Variants in RANBP2 observed in about 807,000 individuals in gnomAD.
The protein encoded by RANBP2 is RAN binding protein 2.
In RANBP2, 57 loss-of-function variants were observed where a neutral mutation model predicts 303.6. The ratio of observed to expected loss-of-function variants is 0.19; its 90% CI spans 0.15 to 0.23. The LOEUF (loss-of-function observed/expected upper bound fraction) is 0.23, where lower values mean the gene tolerates loss of function less well. Ranked by LOEUF, RANBP2 falls within the 10% of genes least tolerant of loss-of-function variation. The probability of loss-of-function intolerance (pLI) is 1.00; values close to 1 mark genes in which losing one functional copy is unlikely to be tolerated. For missense variants in RANBP2, 3,138 were observed against 3,780.8 expected, an observed-to-expected ratio of 0.83 and a Z score of 4.46; for synonymous variants, 1,167 against 1,301.5, an observed-to-expected ratio of 0.90 and a Z score of 2.23.
the RANBP2 span, among the ~76,000 whole-genome samples, chr2:109,439,581 G>A: frequency 4.6e-5 from 7 of 152,130 alleles, no homozygotes; most frequent in East Asian, 1.4e-3. Context: ...TAATTGCATT[G>A]GCCATAGCAT....
At chr2:109,170,287 C>G in the RANBP2 span, among the ~76,000 whole-genome samples, 2 of 121,038 alleles carry the variant, frequency 1.7e-5, no homozygotes, top group East Asian at 7.3e-4. Flanking sequence ...CTCTTCTCTT[C>G]TCTTCTCTTC....
At chr2:109,149,558 TGTTAAGGCAGCC>T in the RANBP2 span, among the ~76,000 whole-genome samples, 6 of 152,032 alleles carry the variant, frequency 3.9e-5, no homozygotes, top group African/African-American at 1.5e-4. Context: ...AGAGCAAGTG[TGTTAAGGCAGCC>T]GTCCCTGGGT....
At chr2:109,208,972 G>T in the RANBP2 span, among the ~76,000 whole-genome samples, 30 of 152,062 alleles carry the variant, frequency 2.0e-4, no homozygotes, top group East Asian at 5.6e-3. Flanking sequence ...TGGGCAGGTG[G>T]GGTTCATGTT....
chr2:109,088,778 C>T, the RANBP2 span, among the ~76,000 whole-genome samples: 1 of 152,176 alleles, frequency 6.6e-6, no homozygotes, highest in Admixed American at 6.5e-5. Context: ...TCCCAAAGTG[C>T]TTGGATTACA....
At chr2:109,049,753 G>C in the RANBP2 span, among the ~76,000 whole-genome samples, 2 of 152,186 alleles carry the variant, frequency 1.3e-5, no homozygotes, top group African/African-American at 4.8e-5. Flanking sequence ...ATGAAACATG[G>C]GGATTTATGG....
rs201427498 is a variant in RANBP2 at position 108,737,335 on chromosome 2, C to CTTTTTTTTTTTTTTTTTTTTTT, written c.782+1100_782+1101insTTTTTTTTTTTTTTTTTTTTTT. Among the ~76,000 whole-genome samples, 10 of 117,074 alleles carry CTTTTTTTTTTTTTTTTTTTTTT rather than the reference C, an allele frequency of 8.5e-5. 1 individual carries two copies. Among genetic ancestry groups the CTTTTTTTTTTTTTTTTTTTTTT allele is most frequent in the African/African-American group, 2.9e-4 (7 of 24,402 alleles). The allele number at this position is 117,074 out of a possible 152,430, so 76.8% of individuals were successfully genotyped here. ...GGTTCCTTTTTTTCTTTCTTTCTTT[C>CTTTTTTTTTTTTTTTTTTTTTT]TTTTTTTTTTTTTTGTTTTTTTGAG... On this transcript the variant is annotated intron_variant, in intron 6 of 28. Coordinates refer to ENST00000283195, the MANE Select transcript of RANBP2 (RefSeq NM_006267.5).
the RANBP2 span, among the ~76,000 whole-genome samples, chr2:109,192,007 A>C: frequency 6.6e-6 from 1 of 151,596 alleles, no homozygotes; most frequent in Non-Finnish European, 1.5e-5. Flanking sequence ...CTCCACCTCA[A>C]CCCCTGCAGT....
chr2:109,252,479 T>C, the RANBP2 span, among the ~76,000 whole-genome samples: 1 of 152,182 alleles, frequency 6.6e-6, no homozygotes, highest in South Asian at 2.1e-4. Context: ...TATCATGGGT[T>C]GATCAGCCGT....
the RANBP2 span, among the ~76,000 whole-genome samples, chr2:108,961,702 C>T: frequency 6.6e-6 from 1 of 152,176 alleles, no homozygotes; most frequent in African/African-American, 2.4e-5. Flanking sequence ...GGGCTCAGCT[C>T]AGCCTTGGGT....
chr2:109,642,151 C>A, the RANBP2 span, among the ~76,000 whole-genome samples: 1 of 152,106 alleles, frequency 6.6e-6, no homozygotes, highest in Non-Finnish European at 1.5e-5. Context: ...TGGTCTCGAA[C>A]TCCTGACCGT....
the RANBP2 span, among the ~76,000 whole-genome samples, chr2:108,963,434 G>A: frequency 6.6e-6 from 1 of 152,118 alleles, no homozygotes; most frequent in Non-Finnish European, 1.5e-5. Flanking sequence ...TAAAAAAATT[G>A]AGCTTTCTAT....
chr2:108,734,473 G>C (rs1695409138), intron 4 of RANBP2, among the ~76,000 whole-genome samples: 1 of 124,458 alleles, frequency 8.0e-6, no homozygotes, highest in Non-Finnish European at 1.6e-5. Flanking sequence ...TAAGCACACA[G>C]AAACCAGTTT....
intron 1 of RANBP2, among the ~76,000 whole-genome samples, chr2:108,720,817 G>C (rs141933844): frequency 0.018 from 2,766 of 152,316 alleles, 71 homozygotes; most frequent in African/African-American, 0.063. Context: ...AGGCCGAGGA[G>C]GGCGGATTGC....
chr2:109,574,763 G>A, the RANBP2 span: 7 of 1,563,802 alleles, frequency 4.5e-6, no homozygotes, highest in East Asian at 2.3e-5. Context: ...ACTATTGGTT[G>A]GTAGCTGAAA....
chr2:109,032,503 CCTGA>C, the RANBP2 span, among the ~76,000 whole-genome samples: 1 of 152,106 alleles, frequency 6.6e-6, no homozygotes, highest in African/African-American at 2.4e-5. Context: ...CAGCGGATGC[CCTGA>C]CTTTTACACC....
chr2:108,870,773 TA>T, the RANBP2 span, among the ~76,000 whole-genome samples: 3 of 151,860 alleles, frequency 2.0e-5, no homozygotes, highest in African/African-American at 7.3e-5. Flanking sequence ...GTGCCTGGAG[TA>T]GAGAAATAAG....
the RANBP2 span, among the ~76,000 whole-genome samples, chr2:108,915,951 G>A: frequency 2.6e-5 from 4 of 152,008 alleles, no homozygotes; most frequent in African/African-American, 7.3e-5. Context: ...GGAGAAGTGC[G>A]TGCCCCTAGC....
the RANBP2 span, among the ~76,000 whole-genome samples, chr2:109,690,827 T>C: frequency 6.6e-6 from 1 of 152,294 alleles, no homozygotes; most frequent in East Asian, 1.9e-4. Flanking sequence ...CCTTCCTGAC[T>C]TTGTTTTTTC....
At chr2:108,792,320 T>C in the RANBP2 span, among the ~76,000 whole-genome samples, 55,093 of 152,110 alleles carry the variant, frequency 0.36, 13,588 homozygotes, top group African/African-American at 0.7. Context: ...CCCTCTCCTT[T>C]GTTTTCCTTT....
Sources: gnomAD v4.1 joint callset for allele counts (sites outside exome capture counted in the v4.1 genomes callset) on GRCh38, gnomAD v4.1.1 for gene constraint, MANE v1.5 for transcripts, NCBI Gene and HGNC (gene_info 2026-07-23, HGNC 2026-07-21) for gene names.